Variants in SLIT2 observed in about 807,000 individuals in gnomAD.
The protein encoded by SLIT2 is slit guidance ligand 2.
SLIT2 carries 41 observed loss-of-function variants against 185.7 expected under a neutral mutation model. The ratio of observed to expected loss-of-function variants is 0.22; its 90% CI spans 0.17 to 0.29. SLIT2 has a LOEUF of 0.29. SLIT2 is among the 10% of genes least tolerant of loss of function. The probability of loss-of-function intolerance (pLI) is 1.00; values close to 1 mark genes in which losing one functional copy is unlikely to be tolerated. For missense variants in SLIT2, 1,571 were observed against 1,909.0 expected (o/e 0.82, Z 3.30); for synonymous variants, 693 against 680.2 (o/e 1.02, Z -0.29).
chr4:20,613,300 A>G (rs147972672), intron 34 of SLIT2, among the ~76,000 whole-genome samples: 1 of 152,234 alleles, frequency 6.6e-6, no homozygotes, highest in African/African-American at 2.4e-5. Context: ...GGTACATATA[A>G]ACCATGAAAT....
chr4:20,315,821 G>C (rs980417871), intron 4 of SLIT2, among the ~76,000 whole-genome samples: 1 of 151,942 alleles, frequency 6.6e-6, no homozygotes, highest in African/African-American at 2.4e-5. Context: ...GAATTCTATA[G>C]CCATGGGCTT....
chr4:20,524,765 A>G (rs1721138829), intron 14 of SLIT2, among the ~76,000 whole-genome samples: 1 of 150,342 alleles, frequency 6.7e-6, no homozygotes, highest in South Asian at 2.1e-4. Context: ...GTAAAAAGCT[A>G]AATATGAATG....
At chr4:20,517,410 A>T (rs1720308062) in intron 11 of SLIT2, among the ~76,000 whole-genome samples, 1 of 152,042 alleles carries the variant, frequency 6.6e-6, no homozygotes, top group Non-Finnish European at 1.5e-5. Flanking sequence ...GTGCCATCTT[A>T]ATCTACTCAT....
chr4:20,545,590 G>A (rs933999684), intron 21 of SLIT2, among the ~76,000 whole-genome samples: 18 of 151,784 alleles, frequency 1.2e-4, no homozygotes, highest in African/African-American at 2.2e-4. Flanking sequence ...GTTCAAATCC[G>A]CAAATATGCC....
intron 18 of SLIT2, among the ~76,000 whole-genome samples, chr4:20,536,576 A>C (rs1250249795): frequency 6.9e-6 from 1 of 145,122 alleles, no homozygotes; most frequent in African/African-American, 2.8e-5. Context: ...AAAAAAAAAA[A>C]AAACAAAAAC....
At chr4:20,280,833 G>GT (rs34477780) in intron 4 of SLIT2, among the ~76,000 whole-genome samples, 6,141 of 130,566 alleles carry the variant, frequency 0.047, 162 homozygotes, top group Non-Finnish European at 0.07. Context: ...TTAAAAAAAT[G>GT]TTTTTTTTTT....
intron 4 of SLIT2, among the ~76,000 whole-genome samples, chr4:20,442,684 G>A (rs1729861626): frequency 6.6e-6 from 1 of 152,160 alleles, no homozygotes; most frequent in Non-Finnish European, 1.5e-5. Context: ...CATGGAGGAT[G>A]AGTTGGAGAG....
At chr4:20,608,671 CA>C (rs1020827352) in intron 33 of SLIT2, among the ~76,000 whole-genome samples, 2 of 151,896 alleles carry the variant, frequency 1.3e-5, no homozygotes, top group African/African-American at 4.8e-5. Flanking sequence ...GTTCTCAAAT[CA>C]AAAAAACGTT....
intron 29 of SLIT2, among the ~76,000 whole-genome samples, chr4:20,583,449 A>G (rs540505124): frequency 3.9e-5 from 6 of 152,324 alleles, no homozygotes; most frequent in African/African-American, 1.2e-4. Flanking sequence ...ACAAGATACT[A>G]GGAAGGAAGT....
chr4:20,307,424 G>A (rs939796722), intron 4 of SLIT2, among the ~76,000 whole-genome samples: 8 of 151,494 alleles, frequency 5.3e-5, no homozygotes, highest in Non-Finnish European at 1.2e-4. Flanking sequence ...CACCACACTC[G>A]GATAAATTCT....
chr4:20,263,677 G>C (rs768311678), intron 3 of SLIT2, among the ~76,000 whole-genome samples: 3 of 151,800 alleles, frequency 2.0e-5, no homozygotes, highest in Admixed American at 6.6e-5. Flanking sequence ...GAGGGATCTT[G>C]ATCACCTTGC....
chr4:20,417,141 A>T (rs1350326155), intron 4 of SLIT2, among the ~76,000 whole-genome samples: 1 of 152,082 alleles, frequency 6.6e-6, no homozygotes, highest in African/African-American at 2.4e-5. Flanking sequence ...GGAGATCAGC[A>T]TGTATGGTGA....
At chr4:20,491,197 G>A (rs1318878129) in intron 8 of SLIT2, among the ~76,000 whole-genome samples, 1 of 152,116 alleles carries the variant, frequency 6.6e-6, no homozygotes, top group African/African-American at 2.4e-5. Flanking sequence ...TTATTATTAT[G>A]ATTTCAGATA....
intron 28 of SLIT2, among the ~76,000 whole-genome samples, chr4:20,568,081 G>A (rs1275711572): frequency 2.6e-5 from 4 of 152,058 alleles, no homozygotes; most frequent in East Asian, 1.9e-4. Context: ...TGCTGTGAAC[G>A]ATTTTAATCT....
intron 4 of SLIT2, among the ~76,000 whole-genome samples, chr4:20,347,034 T>C (rs1466896093): frequency 6.6e-6 from 1 of 152,184 alleles, no homozygotes; most frequent in Non-Finnish European, 1.5e-5. Context: ...ATACTTTGCA[T>C]CCTTCATTAT....
At chr4:20,487,194 A>G (rs910420963) in intron 7 of SLIT2, among the ~76,000 whole-genome samples, 34 of 152,260 alleles carry the variant, frequency 2.2e-4, no homozygotes, top group Non-Finnish European at 5.9e-5. Flanking sequence ...AACTCTGTAC[A>G]TAATAACACA....
chr4:20,381,987 T>A (rs925291401), intron 4 of SLIT2, among the ~76,000 whole-genome samples: 6 of 151,960 alleles, frequency 3.9e-5, no homozygotes, highest in African/African-American at 1.5e-4. Flanking sequence ...AACTCCTTTT[T>A]AAAAATTTAA....
In SLIT2 at chr4:20,462,821, A is replaced by C. The variant is rs147519569; in HGVS notation, c.396-4931A>C. Among the ~76,000 whole-genome samples, 352 of 152,274 alleles carry C rather than the reference A, an allele frequency of 2.3e-3. 2 individuals carry two copies. Among genetic ancestry groups the C allele is most frequent in the African/African-American group, 7.9e-3 (327 of 41,562 alleles). ...TTCTGACTCATTTTGCTCATTCCACACAGGTCATAGAACAGTACACTCCTA... is the reference window on the plus strand; with the variant it reads ...TTCTGACTCATTTTGCTCATTCCACCCAGGTCATAGAACAGTACACTCCTA... On this transcript the variant is annotated intron_variant, in intron 4 of 36. Coordinates refer to ENST00000504154, the MANE Select transcript of SLIT2 (RefSeq NM_004787.4).
At chr4:20,330,569 C>T (rs551556391) in intron 4 of SLIT2, among the ~76,000 whole-genome samples, 2 of 152,024 alleles carry the variant, frequency 1.3e-5, no homozygotes, top group African/African-American at 4.8e-5. Flanking sequence ...AGTTTTAAAG[C>T]ATTTGGAAAG....
Sources: gnomAD v4.1 joint callset for allele counts (sites outside exome capture counted in the v4.1 genomes callset) on GRCh38, gnomAD v4.1.1 for gene constraint, MANE v1.5 for transcripts, NCBI Gene and HGNC (gene_info 2026-07-23, HGNC 2026-07-21) for gene names.